Variants in SACS observed in about 807,000 individuals in gnomAD.
The protein encoded by SACS is sacsin.
A neutral mutation model predicts 348.0 loss-of-function variants in SACS; 197 were observed. That is an observed-to-expected ratio of 0.57 (90% CI 0.50 to 0.64). The LOEUF is 0.64. Ranked by LOEUF, SACS falls within the 30% of genes least tolerant of loss-of-function variation. The pLI is 0.00. For synonymous variants in SACS, 1,985 were observed against 1,910.6 expected (o/e 1.04, Z -1.02); for missense variants, 4,999 against 5,360.8 (o/e 0.93, Z 2.11).
In SACS at chr13:23,332,209, C is replaced by G; in HGVS notation, c.11667G>C (p.Gln3889His). The part of the protein sequence containing the change: ...RVVSGLFRSL[Q>H]NDSVKVRSDL... ...CACTCCTCACCTTGACTGAATCATT[C>G]TGTAGACTCCTGAACAGACCAGAAA... Residue 3889 changes from glutamine to histidine, a missense_variant, in exon 10 of 10, where the codon CAG (glutamine) becomes CAC (histidine). Transcript: ENST00000382292. 6.2e-7 allele frequency: 1 copy of G among 1,613,994 alleles called. No homozygotes were observed. The highest frequency in any genetic ancestry group is 1.1e-5 in the South Asian group (1 of 91,074).
intron 2 of SACS, among the ~76,000 whole-genome samples, chr13:23,400,961 T>A (rs1872950650): frequency 7.0e-6 from 1 of 142,000 alleles, no homozygotes; most frequent in South Asian, 2.4e-4. Flanking sequence ...TTTATTCGAT[T>A]TGTTGAACTG....
intron 1 of SACS, among the ~76,000 whole-genome samples, chr13:23,422,573 A>G (rs1020116184): frequency 1.3e-5 from 2 of 152,216 alleles, no homozygotes; most frequent in African/African-American, 4.8e-5. Flanking sequence ...GACATTCCAG[A>G]GGCTATTAGG....
intron 2 of SACS, among the ~76,000 whole-genome samples, chr13:23,404,844 C>T (rs983555222): frequency 3.9e-5 from 6 of 152,092 alleles, no homozygotes; most frequent in Non-Finnish European, 8.8e-5. Context: ...TAAGAATACA[C>T]CTTACATGGG....
At chr13:23,429,466 C>T (rs1874343915) in intron 1 of SACS, among the ~76,000 whole-genome samples, 1 of 149,608 alleles carries the variant, frequency 6.7e-6, no homozygotes, top group South Asian at 2.1e-4. Context: ...GGGTTCACGC[C>T]ATTCTCCTGC....
intron 2 of SACS, among the ~76,000 whole-genome samples, chr13:23,393,184 C>T (rs1872594130): frequency 6.6e-6 from 1 of 152,210 alleles, no homozygotes. Context: ...GACGTCACCT[C>T]TCCAAGGACA....
intron 9 of SACS, among the ~76,000 whole-genome samples, chr13:23,343,574 AC>A (rs1227163388): frequency 6.6e-6 from 1 of 152,118 alleles, no homozygotes; most frequent in Non-Finnish European, 1.5e-5. Flanking sequence ...AGTCCCAGCT[AC>A]TCAAGAGGCT....
chr13:23,330,848 T>C lies in SACS; in HGVS notation c.13028A>G (p.Glu4343Gly). ...AACTTCATTGGCAATGTCATGGTTC[T>C]CTGGATTTTTGTCAGGATGCCATTT... is the stretch of plus-strand genomic sequence containing the variant. ...YLKWHPDKNP[E>G]NHDIANEVFK... Residue 4343 changes from glutamate (E) to glycine (G), a missense_variant, in exon 10 of 10, where the codon GAG (glutamate) becomes GGG (glycine). Physicochemically the swap from Glu to Gly is moderately conservative, Grantham distance 98 (BLOSUM62 -2). This residue lies in a region of SACS where 254 missense variants were observed against 275.1 expected (regional missense o/e 0.92). Coordinates refer to ENST00000382292, the MANE Select transcript of SACS (RefSeq NM_014363.6). 1 of 1,614,138 alleles carries C rather than the reference T, an allele frequency of 6.2e-7. No homozygotes were observed. Among genetic ancestry groups the C allele is most frequent in the Non-Finnish European group, 8.5e-7 (1 of 1,180,022 alleles).
chr13:23,400,700 G>T (rs538478468), intron 2 of SACS, among the ~76,000 whole-genome samples: 1 of 152,198 alleles, frequency 6.6e-6, no homozygotes, highest in Non-Finnish European at 1.5e-5. Flanking sequence ...GATTACAGGC[G>T]TGAGCCACCG....
intron 1 of SACS, among the ~76,000 whole-genome samples, chr13:23,424,482 G>A (rs1213692536): frequency 6.6e-6 from 1 of 150,558 alleles, no homozygotes; most frequent in African/African-American, 2.4e-5. Context: ...CCGAGATCAC[G>A]CCACTGCCCT....
At position 23,337,602 on chromosome 13, in the gene SACS, G is replaced by T; in HGVS notation, c.6274C>A (p.Leu2092Ile). The T allele has an allele frequency of 6.2e-7, 1 of 1,613,788 alleles. No individual in the cohort carries two copies. The highest frequency in any genetic ancestry group is 1.7e-5 in the Admixed American group (1 of 60,004). Residue 2092 changes from leucine to isoleucine, a missense_variant, in exon 10 of 10, where the codon CTT becomes ATT. By Grantham distance (5) the Leu-to-Ile change is conservative (BLOSUM62 2). Transcript: ENST00000382292. ...CAAGGAATACATGGAGTAACACGAA[G>T]AACTCCCGAGAACTCATCAACTTTT... ...NEKVDEFSGVLRVTPCIPCSL... is the reference protein window; with the variant it reads ...NEKVDEFSGVIRVTPCIPCSL...
intron 2 of SACS, among the ~76,000 whole-genome samples, chr13:23,400,698 G>A (rs578020157): frequency 6.6e-6 from 1 of 152,210 alleles, no homozygotes; most frequent in Non-Finnish European, 1.5e-5. Flanking sequence ...GTGATTACAG[G>A]CGTGAGCCAC....
chr13:23,389,773 T>G (rs538575749), intron 2 of SACS, among the ~76,000 whole-genome samples: 1 of 152,258 alleles, frequency 6.6e-6, no homozygotes, highest in Non-Finnish European at 1.5e-5. Context: ...TTTTGTATTC[T>G]GCATTTAGCC....
At chr13:23,408,445 A>C (rs1566106285) in intron 2 of SACS, among the ~76,000 whole-genome samples, 1 of 152,264 alleles carries the variant, frequency 6.6e-6, no homozygotes, top group Non-Finnish European at 1.5e-5. Flanking sequence ...TTGAAACTTC[A>C]GATGAATATA....
Position 23,333,004 on chromosome 13 carries a change from T to G in SACS, c.10872A>C (p.Thr3624=), listed in dbSNP as rs1306598107. The change falls in exon 10 of 10, where the codon ACA becomes ACC. Residue 3624 remains threonine, a synonymous_variant. Coordinates refer to ENST00000382292, the MANE Select transcript of SACS (RefSeq NM_014363.6). ...ENWSKETLQN[T]VDILLHHIFQ... ...ATATATGATGCAGAAGGATATCAAC[T>G]GTATTTTGCAATGTTTCTTTGGACC... 6.2e-7 allele frequency: 1 copy of G among 1,613,988 alleles called. No homozygotes were observed. Among genetic ancestry groups the G allele is most frequent in the African/African-American group, 1.3e-5 (1 of 75,056 alleles).
intron 2 of SACS, among the ~76,000 whole-genome samples, chr13:23,382,439 G>A (rs1346716620): frequency 1.3e-5 from 2 of 152,150 alleles, no homozygotes; most frequent in Admixed American, 1.3e-4. Context: ...CTTACATTTT[G>A]CTCATTTCCC....
chr13:23,348,853 T>G (rs1257748772), intron 9 of SACS, among the ~76,000 whole-genome samples: 1 of 152,256 alleles, frequency 6.6e-6, no homozygotes, highest in African/African-American at 2.4e-5. Flanking sequence ...AAGTAGGCAC[T>G]GTGCTAGATG....
chr13:23,409,363 T>TG (rs1297850924), intron 2 of SACS, among the ~76,000 whole-genome samples: 1 of 144,072 alleles, frequency 6.9e-6, no homozygotes, highest in African/African-American at 2.6e-5. Context: ...CGTTTTTTTT[T>TG]TTTTTTTTTT....
chr13:23,384,110 G>A (rs910268120), intron 2 of SACS, among the ~76,000 whole-genome samples: 1 of 152,196 alleles, frequency 6.6e-6, no homozygotes, highest in Admixed American at 6.5e-5. Flanking sequence ...CATTTCAGGA[G>A]GTAGCAATAA....
chr13:23,362,260 T>C (rs1000785894), intron 6 of SACS, among the ~76,000 whole-genome samples: 3 of 152,188 alleles, frequency 2.0e-5, no homozygotes, highest in Non-Finnish European at 4.4e-5. Flanking sequence ...CTGTGTCTTA[T>C]AATCAGCTGT....
Sources: allele counts gnomAD v4.1 joint callset (sites outside exome capture counted in the v4.1 genomes callset), GRCh38; gene constraint gnomAD v4.1.1; regional missense constraint gnomAD v4.1.1; transcripts MANE v1.5; gene names NCBI Gene and HGNC (gene_info 2026-07-23, HGNC 2026-07-21).